Variants in GAS2L3 observed in about 807,000 individuals in gnomAD.
GAS2L3 encodes GAS2-like protein 3.
GAS2L3 carries 28 observed loss-of-function variants against 37.0 expected under a neutral mutation model. That is an observed-to-expected ratio of 0.76 (90% CI 0.56 to 1.04). The LOEUF (loss-of-function observed/expected upper bound fraction) is 1.04, where lower values mean the gene tolerates loss of function less well. Among genes scored for constraint, GAS2L3 ranks in the 50% least tolerant of loss-of-function variants. The pLI is 0.00. For missense variants in GAS2L3, 793 were observed against 817.6 expected, an observed-to-expected ratio of 0.97 and a Z score of 0.37; for synonymous variants, 290 against 296.6, an observed-to-expected ratio of 0.98 and a Z score of 0.23.
rs553425889 is a variant in GAS2L3, at chr12:100,605,086, G to A, written c.303+3333G>A. 2.0e-5 allele frequency among the ~76,000 whole-genome samples: 3 copies of A among 151,922 alleles called. No homozygotes were observed. In the South Asian group the frequency reaches 6.2e-4, roughly 32 times the overall value. On this transcript the variant is annotated intron_variant, in intron 5 of 9. Coordinates refer to ENST00000547754, the MANE Select transcript of GAS2L3 (RefSeq NM_174942.3). ...TTTTGATATGTCTTTGTCTGGTTTT[G>A]GTATAATACTGGCCTCATAGAATGA...
intron 1 of GAS2L3, among the ~76,000 whole-genome samples, chr12:100,575,732 C>T (rs2136358653): frequency 6.6e-6 from 1 of 152,116 alleles, no homozygotes; most frequent in African/African-American, 2.4e-5. Flanking sequence ...CCCGACTCGG[C>T]CTCCCAAAGC....
intron 5 of GAS2L3, among the ~76,000 whole-genome samples, chr12:100,607,255 C>T (rs1486912630): frequency 6.6e-6 from 1 of 152,192 alleles, no homozygotes; most frequent in Non-Finnish European, 1.5e-5. Flanking sequence ...GTCACTCTCT[C>T]CTGGCCTGTA....
chr12:100,579,617 C>T, intron 1 of GAS2L3: 1 of 775,820 alleles, frequency 1.3e-6, no homozygotes, highest in Non-Finnish European at 2.4e-6. Context: ...CTTTAGAACA[C>T]AAGAATGTTA....
chr12:100,598,481 A>G (rs1332831940), intron 3 of GAS2L3, among the ~76,000 whole-genome samples: 3 of 152,150 alleles, frequency 2.0e-5, no homozygotes, highest in Admixed American at 6.5e-5. Context: ...GATTTGTCCC[A>G]TTATTGATAG....
chr12:100,600,108 T>C (rs1189486309), intron 3 of GAS2L3, among the ~76,000 whole-genome samples: 1 of 152,176 alleles, frequency 6.6e-6, no homozygotes, highest in Non-Finnish European at 1.5e-5. Context: ...GTGCCTGTGC[T>C]CTCAGCTACT....
chr12:100,615,731 A>G (rs1956178810), intron 6 of GAS2L3, among the ~76,000 whole-genome samples: 4 of 152,154 alleles, frequency 2.6e-5, no homozygotes, highest in Admixed American at 2.6e-4. Context: ...TGCCAACACC[A>G]TTTGTTGAAA....
At chr12:100,585,686 C>G (rs1338776620) in intron 1 of GAS2L3, among the ~76,000 whole-genome samples, 1 of 152,210 alleles carries the variant, frequency 6.6e-6, no homozygotes, top group African/African-American at 2.4e-5. Flanking sequence ...ACACTCTGCT[C>G]TTACATTCCT....
chr12:100,609,066 C>A (rs1956094449), intron 5 of GAS2L3, among the ~76,000 whole-genome samples: 1 of 152,150 alleles, frequency 6.6e-6, no homozygotes, highest in South Asian at 2.1e-4. Flanking sequence ...CAGTGGCCTC[C>A]CCTCTGGCCC....
intron 1 of GAS2L3, among the ~76,000 whole-genome samples, chr12:100,575,106 A>G (rs934749845): frequency 1.3e-5 from 2 of 152,290 alleles, no homozygotes; most frequent in Non-Finnish European, 2.9e-5. Context: ...CTGTGAAAGA[A>G]GGTTAATAAT....
At position 100,623,815 on chromosome 12, in the gene GAS2L3, T is replaced by G; in HGVS notation, c.1010T>G (p.Val337Gly). The change falls in exon 10 of 10, where the codon GTT becomes GGT. Residue 337 changes from valine to glycine, a missense_variant. Transcript: ENST00000547754. ...CAAAATTCAAAACCCAGCGTGCCAGTTAGTATTCCAAAAAGCAAAGAAAAA... is the reference window on the plus strand; with the variant it reads ...CAAAATTCAAAACCCAGCGTGCCAGGTAGTATTCCAAAAAGCAAAGAAAAA... Reference protein sequence around the residue: ...QKQNSKPSVPVSIPKSKEKQG... With the variant: ...QKQNSKPSVPGSIPKSKEKQG... 6.2e-7 allele frequency: 1 copy of G among 1,613,962 alleles called. No homozygotes were observed. The highest frequency in any genetic ancestry group is 8.5e-7 in the Non-Finnish European group (1 of 1,179,966).
intron 1 of GAS2L3, among the ~76,000 whole-genome samples, chr12:100,583,405 A>G (rs1414989097): frequency 6.6e-6 from 1 of 152,266 alleles, no homozygotes; most frequent in Non-Finnish European, 1.5e-5. Flanking sequence ...TGAATTCCTG[A>G]GTAGCTCATT....
Position 100,607,892 on chromosome 12 carries a change from ATC to A in GAS2L3, c.304-4104_304-4103del, listed in dbSNP as rs1279491498. 1.1e-4 allele frequency among the ~76,000 whole-genome samples: 17 copies of A among 152,208 alleles called. 1 individual carries two copies. The highest frequency in any genetic ancestry group is 4.1e-4 in the African/African-American group (17 of 41,522). ...AAATTCTCTGTCTGAAAGGTCACATATCTCTGTTTCTTCAGGATTGGTCCCTG... is the reference window on the plus strand; with the variant it reads ...AAATTCTCTGTCTGAAAGGTCACATATCTGTTTCTTCAGGATTGGTCCCTG... On this transcript the variant is annotated intron_variant, in intron 5 of 9. Transcript: ENST00000547754.
rs754179415 is a variant in GAS2L3, at chr12:100,612,070, C to G, written c.374C>G (p.Thr125Ser). ...GGTTCATTCTTTGCTCGGGACAATA[C>G]CGCAAACTTCCTTCACTGGTGTAGG... ...ASGSFFARDN[T>S]ANFLHWCRDI... is the part of the protein sequence containing the mutation. Residue 125 changes from threonine (T) to serine (S), a missense_variant, in exon 6 of 10, where the codon ACC (threonine) becomes AGC (serine). Coordinates refer to ENST00000547754, the MANE Select transcript of GAS2L3 (RefSeq NM_174942.3). 9.9e-6 allele frequency: 16 copies of G among 1,611,068 alleles called. No individual in the cohort carries two copies. Among genetic ancestry groups the G allele is most frequent in the Non-Finnish European group, 1.4e-5 (16 of 1,177,264 alleles).
At chr12:100,616,980 G>T (rs896337236) in intron 6 of GAS2L3, among the ~76,000 whole-genome samples, 2 of 150,986 alleles carry the variant, frequency 1.3e-5, no homozygotes, top group African/African-American at 4.9e-5. Context: ...TTATCAGATT[G>T]AGAAACTTTC....
At chr12:100,596,186 A>G (rs918177076) in intron 3 of GAS2L3, among the ~76,000 whole-genome samples, 2 of 151,918 alleles carry the variant, frequency 1.3e-5, no homozygotes, top group African/African-American at 4.8e-5. Context: ...GGGTCCTCTC[A>G]CATCCACTTG....
intron 2 of GAS2L3, among the ~76,000 whole-genome samples, chr12:100,592,683 G>T (rs893908194): frequency 2.6e-5 from 4 of 152,060 alleles, no homozygotes; most frequent in Admixed American, 2.6e-4. Context: ...GATTTTAAAA[G>T]TTAAGTATAG....
chr12:100,610,690 A>T (rs1168299672), intron 5 of GAS2L3, among the ~76,000 whole-genome samples: 1 of 152,204 alleles, frequency 6.6e-6, no homozygotes, highest in Non-Finnish European at 1.5e-5. Context: ...GAAAGACTTA[A>T]TATCCTACTG....
At position 100,621,876 on chromosome 12, in the gene GAS2L3, G is replaced by C. The variant is rs571068478; in HGVS notation, c.649-399G>C. ...TGAAGGGTGGTGGGGAGGGAGGGTG[G>C]GGGGGGGAGAGAGAGAGAGAGAGAG... On this transcript the variant is annotated intron_variant, in intron 8 of 9. Coordinates refer to ENST00000547754, the MANE Select transcript of GAS2L3 (RefSeq NM_174942.3). Among the ~76,000 whole-genome samples the C allele has an allele frequency of 8.7e-4, 102 of 117,580 alleles. 1 individual carries two copies. In the East Asian group the frequency reaches 0.03, roughly 35 times the overall value. The allele number at this position is 117,580 out of a possible 152,430, so 77.1% of individuals were successfully genotyped here. A position where few individuals can be genotyped will look rare whatever the true frequency, so the allele number is the denominator to read the frequency against.
In GAS2L3 at chr12:100,602,747, T is replaced by C. The variant is rs186586785; in HGVS notation, c.303+994T>C. Among the ~76,000 whole-genome samples, 3 of 152,206 alleles carry C rather than the reference T, an allele frequency of 2.0e-5. No homozygotes were observed. In the East Asian group the frequency reaches 5.8e-4, roughly 29 times the overall value. ...AATACTAGGTCTTATTAATTCTTTC[T>C]AACTATATATTTTTTGCACCCTTAA... On this transcript the variant is annotated intron_variant, in intron 5 of 9. Coordinates refer to ENST00000547754, the MANE Select transcript of GAS2L3 (RefSeq NM_174942.3).
Sources: gnomAD v4.1 joint callset for allele counts (sites outside exome capture counted in the v4.1 genomes callset) on GRCh38, gnomAD v4.1.1 for gene constraint, MANE v1.5 for transcripts, NCBI Gene and HGNC (gene_info 2026-07-23, HGNC 2026-07-21) for gene names.